The following ROCK2 variants were observed in gnomAD, a reference collection of about 807,000 sequenced individuals.
ROCK2 encodes Rho associated coiled-coil containing protein kinase 2.
ROCK2 carries 61 observed loss-of-function variants against 195.1 expected under a neutral mutation model. That is an observed-to-expected ratio of 0.31 (90% confidence interval 0.25 to 0.39). The LOEUF (loss-of-function observed/expected upper bound fraction) is 0.39, where lower values mean the gene tolerates loss of function less well. Among genes scored for constraint, ROCK2 ranks in the 10% least tolerant of loss-of-function variants. The pLI, the probability that ROCK2 is intolerant of heterozygous loss-of-function variation, is 1.00. For synonymous variants in ROCK2, 504 were observed against 545.5 expected (o/e 0.92, Z 1.06); for missense variants, 1,109 against 1,637.4 (o/e 0.68, Z 5.57).
At chr2:11,274,125 T>G (rs1290927188) in intron 3 of ROCK2, among the ~76,000 whole-genome samples, 2 of 150,642 alleles carry the variant, frequency 1.3e-5, no homozygotes, top group Non-Finnish European at 3.0e-5. Flanking sequence ...TGGGAGAAAT[T>G]TATAGCTATA....
intron 3 of ROCK2, among the ~76,000 whole-genome samples, chr2:11,267,504 A>G (rs558886290): frequency 1.5e-4 from 23 of 151,314 alleles, no homozygotes; most frequent in African/African-American, 4.4e-4. Flanking sequence ...CCATTTTCAC[A>G]TACAAAAAAA....
At position 11,184,729 on chromosome 2, in the gene ROCK2, C is replaced by T. The variant is rs112180542; in HGVS notation, c.4164-1289G>A. 360 of 984,592 alleles carry T rather than the reference C, an allele frequency of 3.7e-4. 3 individuals carry two copies. In the African/African-American group the frequency reaches 5.8e-3, roughly 16 times the overall value. The allele number at this position is 984,592 out of a possible 1,614,324, so 61.0% of individuals were successfully genotyped here. ...TCATCACCACCACCATCAACATCATCAAATGACCAATCCCAGTCTTTAAAT... is the reference window on the plus strand; with the variant it reads ...TCATCACCACCACCATCAACATCATTAAATGACCAATCCCAGTCTTTAAAT... On this transcript the variant is annotated intron_variant, in intron 32 of 32. Coordinates refer to ENST00000315872, the MANE Select transcript of ROCK2 (RefSeq NM_004850.5).
intron 9 of ROCK2, among the ~76,000 whole-genome samples, chr2:11,220,210 G>T (rs1201238598): frequency 6.6e-6 from 1 of 152,052 alleles, no homozygotes; most frequent in Non-Finnish European, 1.5e-5. Context: ...TAGAGACGGG[G>T]TTTCTCTATG....
chr2:11,252,718 G>A (rs1297799211), intron 3 of ROCK2, among the ~76,000 whole-genome samples: 2 of 151,990 alleles, frequency 1.3e-5, no homozygotes, highest in Admixed American at 6.5e-5. Context: ...ACCAAACACC[G>A]CAGGTTCCCA....
chr2:11,313,859 C>A (rs1309031735), intron 1 of ROCK2, among the ~76,000 whole-genome samples: 1 of 151,754 alleles, frequency 6.6e-6, no homozygotes, highest in Non-Finnish European at 1.5e-5. Context: ...AATATTTAAA[C>A]AACTTTTAAA....
intron 1 of ROCK2, among the ~76,000 whole-genome samples, chr2:11,319,633 C>A (rs1668339499): frequency 6.6e-6 from 1 of 152,094 alleles, no homozygotes; most frequent in African/African-American, 2.4e-5. Flanking sequence ...ACTTCCAACA[C>A]TATGTTGAAT....
chr2:11,259,384 A>G (rs971963676), intron 3 of ROCK2, among the ~76,000 whole-genome samples: 1 of 151,358 alleles, frequency 6.6e-6, no homozygotes, highest in African/African-American at 2.5e-5. Flanking sequence ...CAAATGTTTA[A>G]GCCAAAATAA....
intron 3 of ROCK2, among the ~76,000 whole-genome samples, chr2:11,276,618 G>A (rs1489987513): frequency 6.6e-6 from 1 of 152,112 alleles, no homozygotes; most frequent in Non-Finnish European, 1.5e-5. Context: ...TGCAAACCCT[G>A]TAACTCCAAT....
rs1195347273 is a variant in ROCK2 at position 11,215,213 on chromosome 2, A to T, written c.1689+108T>A. On this transcript the variant is annotated intron_variant, in intron 15 of 32. Transcript: ENST00000315872. ...AAAACCTAAAAATATTTTCCAAATG[A>T]TTTCTAAAATTAGAGGTAAAGGCCT... 14 of 1,451,282 alleles carry T rather than the reference A, an allele frequency of 9.6e-6. 1 individual carries two copies. The highest frequency in any genetic ancestry group is 1.3e-5 in the Non-Finnish European group (14 of 1,083,902). 89.9% of individuals were successfully genotyped at this position (1,451,282 alleles called of 1,614,324 possible). A position where few individuals can be genotyped will look rare whatever the true frequency, so the allele number is the denominator to read the frequency against.
intron 5 of ROCK2, chr2:11,234,445 A>G (rs11686700): frequency 4.6e-5 from 7 of 152,104 alleles, no homozygotes; most frequent in Non-Finnish European, 8.8e-5. Context: ...TCTATTAGGA[A>G]ATTATTTCAT....
At chr2:11,193,095 T>C (rs986057052) in intron 30 of ROCK2, among the ~76,000 whole-genome samples, 3 of 152,204 alleles carry the variant, frequency 2.0e-5, no homozygotes, top group African/African-American at 4.8e-5. Flanking sequence ...ATCACACTAA[T>C]TGGTGTTTTG....
intron 18 of ROCK2, among the ~76,000 whole-genome samples, chr2:11,208,964 T>G (rs1664156331): frequency 1.3e-5 from 2 of 152,236 alleles, no homozygotes; most frequent in Non-Finnish European, 2.9e-5. Context: ...TGTAAAAATG[T>G]ATCACACTCT....
Position 11,197,793 on chromosome 2 carries a change from T to C in ROCK2, c.3100-88A>G, listed in dbSNP as rs529936574. ...GTATCTCATCAAGAGCAACAAGTTATACAATCACAAATACTCTCCTTCCCT... is the reference window on the plus strand; with the variant it reads ...GTATCTCATCAAGAGCAACAAGTTACACAATCACAAATACTCTCCTTCCCT... On this transcript the variant is annotated intron_variant, in intron 25 of 32. Coordinates refer to ENST00000315872, the MANE Select transcript of ROCK2 (RefSeq NM_004850.5). This position sits in a 1 kb window ranked among gnomAD's most constrained non-coding sequence, Gnocchi z 4.9. The C allele has an allele frequency of 5.9e-4, 511 of 861,606 alleles. No individual in the cohort carries two copies. The highest frequency in any genetic ancestry group is 2.4e-3 in the Admixed American group (70 of 28,714). The allele number at this position is 861,606 out of a possible 1,614,324, so 53.4% of individuals were successfully genotyped here. A position where few individuals can be genotyped will look rare whatever the true frequency, so the allele number is the denominator to read the frequency against.
chr2:11,324,466 C>A (rs1221222659), intron 1 of ROCK2, among the ~76,000 whole-genome samples: 5 of 151,712 alleles, frequency 3.3e-5, no homozygotes, highest in African/African-American at 4.8e-5. Context: ...TATGTTCACA[C>A]AAAAACCTGC....
At chr2:11,292,922 G>A (rs764078434) in intron 1 of ROCK2, among the ~76,000 whole-genome samples, 2 of 152,090 alleles carry the variant, frequency 1.3e-5, no homozygotes, top group Non-Finnish European at 2.9e-5. Flanking sequence ...TGGTTTAGAA[G>A]TGTGTAGCAC....
chr2:11,281,048 C>T (rs1269284394), intron 3 of ROCK2, among the ~76,000 whole-genome samples: 1 of 151,752 alleles, frequency 6.6e-6, no homozygotes. Context: ...GAATTATACG[C>T]CACAACCAAG....
chr2:11,241,192 G>A (rs1005671560), intron 4 of ROCK2, among the ~76,000 whole-genome samples: 1 of 152,036 alleles, frequency 6.6e-6, no homozygotes, highest in African/African-American at 2.4e-5. Context: ...CAATTTTGTG[G>A]AGTCAAATAA....
At chr2:11,286,465 A>T in intron 3 of ROCK2, 74 bp downstream of exon 3, 1 of 929,724 alleles carries the variant, frequency 1.1e-6, no homozygotes, top group Non-Finnish European at 1.7e-6. Context: ...AATTAGATCT[A>T]CTCAGCTGCT....
At chr2:11,202,172 G>A (rs756898250) in intron 20 of ROCK2, 51 bp from the exon 21 acceptor site, 27 of 1,439,158 alleles carry the variant, frequency 1.9e-5, no homozygotes, top group Middle Eastern at 1.7e-4. Flanking sequence ...TATTTTAAAC[G>A]AGCAGCTCTC....
Sources: gnomAD v4.1 joint callset for allele counts (sites outside exome capture counted in the v4.1 genomes callset) on GRCh38, gnomAD v4.1.1 for gene constraint, Gnocchi (gnomAD v3.1) non-coding constraint, MANE v1.5 for transcripts, NCBI Gene and HGNC (gene_info 2026-07-23, HGNC 2026-07-21) for gene names.